PIK3C2B: variants seen among roughly 807,000 people sequenced by gnomAD.
PIK3C2B encodes phosphatidylinositol 4-phosphate 3-kinase C2 domain-containing subunit beta.
Under a neutral mutation model 184.3 loss-of-function variants are expected in PIK3C2B, and 83 were observed. The observed-to-expected ratio is 0.45, with a 90% CI of 0.38 to 0.54. The LOEUF is 0.54. PIK3C2B is among the 20% of genes least tolerant of loss of function. The probability of loss-of-function intolerance (pLI) is 0.00; values close to 1 mark genes in which losing one functional copy is unlikely to be tolerated. For missense variants in PIK3C2B, 1,736 were observed against 2,113.5 expected (o/e 0.82, Z 3.50); for synonymous variants, 779 against 837.6 (o/e 0.93, Z 1.21).
Position 204,429,996 on chromosome 1 carries a change from C to T in PIK3C2B, c.4323G>A (p.Ala1441=), listed in dbSNP as rs1674954286. The T allele has an allele frequency of 6.2e-7, 1 of 1,611,620 alleles. No homozygotes were observed. Residue 1441 remains alanine (A), a synonymous_variant, in exon 29 of 33, where the codon GCG becomes GCA. Coordinates refer to ENST00000684373, the MANE Select transcript of PIK3C2B (RefSeq NM_001377334.1). ...GCTCCTCCCTCCGCCGCTCGGCCAC[C>T]GCCTCTCCCCGGGAGCGGCCGATCA... ...RFVIGRSRGE[A]VAERRREELN... is the part of the protein sequence containing the mutation.
chr1:204,424,515 A>ACC lies in PIK3C2B; in HGVS notation c.*335_*336dup. The ACC allele has an allele frequency of 5.9e-6, 1 of 168,704 alleles. No homozygotes were observed. The highest frequency in any genetic ancestry group is 1.1e-5 in the Non-Finnish European group (1 of 87,182). The allele number at this position is 168,704 out of a possible 1,614,324, so 10.5% of individuals were successfully genotyped here. On this transcript the variant is annotated 3_prime_UTR_variant, in exon 33 of 33. Coordinates refer to ENST00000684373, the MANE Select transcript of PIK3C2B (RefSeq NM_001377334.1). ...AAAATAAAAATTAAGATATCCACCCACCCACCCCCAAAATGCTACTTCATA... is the reference window on the plus strand; with the variant it reads ...AAAATAAAAATTAAGATATCCACCCACCCCCACCCCCAAAATGCTACTTCATA...
Position 204,457,765 on chromosome 1 carries a change from G to T in PIK3C2B, c.1676C>A (p.Pro559His). 6.2e-7 allele frequency: 1 copy of T among 1,612,686 alleles called. No individual in the cohort carries two copies. The highest frequency in any genetic ancestry group is 1.1e-5 in the South Asian group (1 of 90,754). ...PEITSALNQLPPCPSRMQPKI... is the reference protein window; with the variant it reads ...PEITSALNQLHPCPSRMQPKI... ...AGGCTGCATGCGGGAGGGGCAGGGG[G>T]GCAGCTGGTTGAGAGCACTGGTGAT... is the stretch of plus-strand genomic sequence containing the variant. Residue 559 changes from proline to histidine, a missense_variant, in exon 9 of 33, where the codon CCC becomes CAC. Transcript: ENST00000684373.
At position 204,457,664 on chromosome 1, in the gene PIK3C2B, C is replaced by T. The variant is rs371412538; in HGVS notation, c.1713+64G>A. Reference sequence around the variant, plus strand: ...AACACCTACACACTCTAGCAACAGGCAACTCAGTTACCTGACAGTATCCCT... The same window carrying T: ...AACACCTACACACTCTAGCAACAGGTAACTCAGTTACCTGACAGTATCCCT... On this transcript the variant is annotated intron_variant, in intron 9 of 32. Coordinates refer to ENST00000684373, the MANE Select transcript of PIK3C2B (RefSeq NM_001377334.1). 64 of 1,463,582 alleles carry T rather than the reference C, an allele frequency of 4.4e-5. No homozygotes were observed. The African/African-American group carries it at 6.8e-4, about 16-fold the overall frequency. 90.7% of individuals were successfully genotyped at this position (1,463,582 alleles called of 1,614,324 possible). A position where few individuals can be genotyped will look rare whatever the true frequency, so the allele number is the denominator to read the frequency against.
rs1425463992 is a variant in PIK3C2B at position 204,486,726 on chromosome 1, T to G, written c.-85+7630A>C. 3.9e-5 allele frequency among the ~76,000 whole-genome samples: 6 copies of G among 152,280 alleles called. 1 individual carries two copies. Among genetic ancestry groups the G allele is most frequent in the East Asian group, 3.9e-4 (2 of 5,182 alleles). On this transcript the variant is annotated intron_variant, in intron 1 of 32. Transcript: ENST00000684373. ...GCCTGGACGACTGAGGGAGATTCCA[T>G]CTCAAAAAAAGATTACCTCTTATTT...
chr1:204,465,735 G>A (rs191275137), intron 2 of PIK3C2B, among the ~76,000 whole-genome samples: 112 of 152,350 alleles, frequency 7.4e-4, no homozygotes, highest in Non-Finnish European at 1.2e-3. Context: ...GAGCAGGTGG[G>A]CGGCCCAAAT....
chr1:204,462,059 G>T (rs191979852), intron 5 of PIK3C2B, among the ~76,000 whole-genome samples: 12 of 152,228 alleles, frequency 7.9e-5, no homozygotes, highest in South Asian at 2.1e-4. Context: ...TGGGAGTGGG[G>T]CTCCTAGGCC....
Position 204,431,651 on chromosome 1 carries a change from A to C in PIK3C2B, c.4280+18T>G, listed in dbSNP as rs1366708769. ...CTCCCCGACATCCCTCTGTGCAGAT[A>C]GTAAAGGGGGCAGCTACCTGGGCAA... On this transcript the variant is annotated intron_variant, in intron 28 of 32. Coordinates refer to ENST00000684373, the MANE Select transcript of PIK3C2B (RefSeq NM_001377334.1). 4 of 1,613,668 alleles carry C rather than the reference A, an allele frequency of 2.5e-6. No homozygotes were observed. The highest frequency in any genetic ancestry group is 3.4e-6 in the Non-Finnish European group (4 of 1,179,944).
At chr1:204,467,868 G>C (rs1238944256) in intron 2 of PIK3C2B, among the ~76,000 whole-genome samples, 1 of 146,438 alleles carries the variant, frequency 6.8e-6, no homozygotes. Flanking sequence ...TCAGCCATGG[G>C]GGTGTCACTT....
In PIK3C2B at chr1:204,438,971, C is replaced by A; in HGVS notation, c.3480G>T (p.Leu1160=). The change falls in exon 23 of 33, where the codon CTG becomes CTT. Residue 1160 remains leucine, a synonymous_variant. Coordinates refer to ENST00000684373, the MANE Select transcript of PIK3C2B (RefSeq NM_001377334.1). ...CGTCCTCCCCAGGGTTGTGTTTCTG[C>A]AGCCAGTCTGCCAGGGGCCGGTCCT... ...SFKDRPLADW[L]QKHNPGEDEY... The A allele has an allele frequency of 6.2e-7, 1 of 1,614,066 alleles. No homozygotes were observed. The highest frequency in any genetic ancestry group is 8.5e-7 in the Non-Finnish European group (1 of 1,180,028).
chr1:204,440,111 C>A, intron 22 of PIK3C2B, 81 bp downstream of exon 22: 2 of 1,425,190 alleles, frequency 1.4e-6, no homozygotes, highest in Non-Finnish European at 1.9e-6. Context: ...TGGAGGAGGA[C>A]ACAGTTTGTG....
At chr1:204,441,973 C>CT (rs1438385256) in intron 20 of PIK3C2B, among the ~76,000 whole-genome samples, 1 of 152,142 alleles carries the variant, frequency 6.6e-6, no homozygotes, top group Non-Finnish European at 1.5e-5. Flanking sequence ...CAGGGCCGGG[C>CT]ACAGAGAGTG....
intron 1 of PIK3C2B, among the ~76,000 whole-genome samples, chr1:204,482,926 G>C (rs555539092): frequency 3.5e-4 from 54 of 152,296 alleles, no homozygotes; most frequent in African/African-American, 1.3e-3. Flanking sequence ...GCCCATGTCA[G>C]CCTGGTCACC....
intron 1 of PIK3C2B, among the ~76,000 whole-genome samples, chr1:204,481,680 G>A (rs1016688269): frequency 2.0e-5 from 3 of 152,318 alleles, no homozygotes; most frequent in Admixed American, 6.5e-5. Context: ...GCTGTTCTCT[G>A]CGTTCCAGCA....
intron 12 of PIK3C2B, among the ~76,000 whole-genome samples, chr1:204,450,972 G>A (rs568491061): frequency 8.7e-4 from 132 of 152,336 alleles, no homozygotes; most frequent in African/African-American, 2.9e-3. Flanking sequence ...CCCAAGGTTG[G>A]CAGTTTCATG....
chr1:204,472,932 T>TTAG (rs1401930175), intron 1 of PIK3C2B, among the ~76,000 whole-genome samples: 5 of 152,312 alleles, frequency 3.3e-5, no homozygotes, highest in Middle Eastern at 3.4e-3. Context: ...GTGTTTGTGA[T>TTAG]TAGGTTGGGG....
intron 1 of PIK3C2B, among the ~76,000 whole-genome samples, chr1:204,477,073 A>C (rs1656766798): frequency 6.6e-6 from 1 of 152,206 alleles, no homozygotes; most frequent in African/African-American, 2.4e-5. Context: ...TGAATCTCTA[A>C]GAGCAAGGGC....
At chr1:204,481,804 C>T (rs1430320044) in intron 1 of PIK3C2B, among the ~76,000 whole-genome samples, 4 of 152,166 alleles carry the variant, frequency 2.6e-5, no homozygotes, top group African/African-American at 9.7e-5. Flanking sequence ...CCCAGGGTGG[C>T]CGGTCATTCC....
chr1:204,432,915 A>C (rs1213906857), intron 26 of PIK3C2B, among the ~76,000 whole-genome samples: 2 of 152,238 alleles, frequency 1.3e-5, no homozygotes, highest in Non-Finnish European at 2.9e-5. Flanking sequence ...GTACCTAAAA[A>C]CATTGTCAAA....
intron 8 of PIK3C2B, 105 bp downstream of exon 8, chr1:204,459,773 G>A: frequency 1.1e-6 from 1 of 935,112 alleles, no homozygotes; most frequent in South Asian, 1.4e-5. Context: ...CAGATTTTCA[G>A]GCTCCACCCA....
Sources: gnomAD v4.1 joint callset for allele counts (sites outside exome capture counted in the v4.1 genomes callset) on GRCh38, gnomAD v4.1.1 for gene constraint, MANE v1.5 for transcripts, NCBI Gene and HGNC (gene_info 2026-07-23, HGNC 2026-07-21) for gene names.